The following PRDM1 variants were observed in gnomAD, a reference collection of about 807,000 sequenced individuals.
PRDM1 encodes PR/SET domain 1, also known as PR domain zinc finger protein 1.
PRDM1 carries 13 observed loss-of-function variants against 62.8 expected under a neutral mutation model. That is an observed-to-expected ratio of 0.21 (90% CI 0.13 to 0.33). The LOEUF is 0.33. Among genes scored for constraint, PRDM1 ranks in the 10% least tolerant of loss-of-function variants. PRDM1 has a pLI of 1.00. For missense variants in PRDM1, 895 were observed against 1,058.8 expected, an observed-to-expected ratio of 0.85 and a Z score of 2.15; for synonymous variants, 396 against 417.6, an observed-to-expected ratio of 0.95 and a Z score of 0.63.
chr6:106,026,174 A>G (rs1772763684), intron 1 of PRDM1, among the ~76,000 whole-genome samples: 1 of 152,128 alleles, frequency 6.6e-6, no homozygotes, highest in African/African-American at 2.4e-5. Context: ...CTATTTGTAT[A>G]TTTGATTTAA....
chr6:106,040,408 T>C (rs1412724494), intron 1 of PRDM1, among the ~76,000 whole-genome samples: 1 of 152,228 alleles, frequency 6.6e-6, no homozygotes, highest in African/African-American at 2.4e-5. Flanking sequence ...CACCTCCGTC[T>C]ATCTGCAGGC....
intron 2 of PRDM1, among the ~76,000 whole-genome samples, 183 bp downstream of exon 2, chr6:106,088,632 T>C (rs539495250): frequency 6.6e-6 from 1 of 152,242 alleles, no homozygotes; most frequent in Non-Finnish European, 1.5e-5. Flanking sequence ...TCTCATTTCT[T>C]CCAGCCTTCA....
At chr6:106,101,025 T>A (rs1774254142) in intron 4 of PRDM1, among the ~76,000 whole-genome samples, 1 of 152,118 alleles carries the variant, frequency 6.6e-6, no homozygotes, top group African/African-American at 2.4e-5. Flanking sequence ...GTGTATGCCA[T>A]GCCCAGTGCT....
chr6:106,105,752 C>T lies in PRDM1; in HGVS notation c.1592C>T (p.Pro531Leu), dbSNP rs1404554652. The change falls in exon 5 of 7, where the codon CCC (proline) becomes CTC (leucine). Residue 531 changes from proline (P) to leucine (L), a missense_variant. Pro to Leu is a moderately conservative substitution (Grantham distance 98, BLOSUM62 -3). This residue lies in a region of PRDM1 where 444 missense variants were observed against 422.7 expected (regional missense o/e 1.05). Transcript: ENST00000369096. ...TAATAEHVVQ[P>L]KATSAAMAAP... ...GCCACGGCAGAACATGTGGTGCAGC[C>T]CAAAGCTACCTCAGCAGCGATGGCA... is the stretch of plus-strand genomic sequence containing the variant. 1.2e-6 allele frequency: 2 copies of T among 1,614,142 alleles called. No individual in the cohort carries two copies. Among genetic ancestry groups the T allele is most frequent in the East Asian group, 4.5e-5 (2 of 44,894 alleles).
At chr6:106,104,735 A>G in intron 4 of PRDM1, 90 bp from the exon 5 acceptor site, 1 of 1,435,980 alleles carries the variant, frequency 7.0e-7, no homozygotes, top group Non-Finnish European at 9.4e-7. Flanking sequence ...GCTGTTACTC[A>G]GGTTTTCTCA....
At chr6:106,087,552 T>G (rs1340496356) in intron 1 of PRDM1, 2 of 232,610 alleles carry the variant, frequency 8.6e-6, no homozygotes, top group South Asian at 3.6e-4. Context: ...TAAGAGGCCG[T>G]AGCTCAGTGA....
exon 1 of PRDM1, among the ~76,000 whole-genome samples, chr6:105,993,529 G>A (rs759065033): frequency 6.6e-6 from 1 of 152,220 alleles, no homozygotes; most frequent in Admixed American, 6.5e-5. Context: ...GGCCAGCAGG[G>A]AAGGTGCCAC....
At chr6:106,082,144 T>C (rs1179464550), upstream of PRDM1, among the ~76,000 whole-genome samples, 1 of 152,244 alleles carries the variant, frequency 6.6e-6, no homozygotes, top group Non-Finnish European at 1.5e-5. Flanking sequence ...TTCCTATTGC[T>C]CTTTTTCTCC....
intron 1 of PRDM1, among the ~76,000 whole-genome samples, chr6:106,052,757 A>T (rs1773198920): frequency 6.6e-6 from 1 of 152,054 alleles, no homozygotes; most frequent in Non-Finnish European, 1.5e-5. Context: ...TGGATCACGA[A>T]GTCAGGAGAT....
intron 1 of PRDM1, among the ~76,000 whole-genome samples, chr6:106,072,468 T>A (rs1773533963): frequency 6.6e-6 from 1 of 152,230 alleles, no homozygotes; most frequent in African/African-American, 2.4e-5. Flanking sequence ...AGCACAACTC[T>A]TCTATTTTCT....
chr6:106,048,295 G>A (rs570225946), upstream of PRDM1, among the ~76,000 whole-genome samples: 2 of 152,024 alleles, frequency 1.3e-5, no homozygotes, highest in Non-Finnish European at 2.9e-5. Context: ...GCTGAGGTGA[G>A]AGGATTGCTG....
chr6:106,097,570 G>C (rs1582469676), intron 3 of PRDM1, among the ~76,000 whole-genome samples: 2 of 152,362 alleles, frequency 1.3e-5, no homozygotes, highest in East Asian at 1.9e-4. Flanking sequence ...TCTTGTAACT[G>C]TACTATGAAT....
chr6:106,106,755 C>T lies in PRDM1; in HGVS notation c.1903-156C>T, dbSNP rs879427202. On this transcript the variant is annotated intron_variant, in intron 6 of 6. Coordinates refer to ENST00000369096, the MANE Select transcript of PRDM1 (RefSeq NM_001198.4). The surrounding 1 kb of genome is among the most constrained non-coding windows in gnomAD (Gnocchi z 4.4). Reference sequence around the variant, plus strand: ...CGTGTGCTGTGTGCCCACATCCCCCCGTTTGCTTAATACCACACTGGAGGT... The same window carrying T: ...CGTGTGCTGTGTGCCCACATCCCCCTGTTTGCTTAATACCACACTGGAGGT... Among the ~76,000 whole-genome samples, 1 of 152,164 alleles carries T rather than the reference C, an allele frequency of 6.6e-6. No individual in the cohort carries two copies. Among genetic ancestry groups the T allele is most frequent in the Admixed American group, 6.5e-5 (1 of 15,282 alleles).
chr6:105,993,467 G>A (rs571823684), exon 1 of PRDM1, among the ~76,000 whole-genome samples: 1 of 152,122 alleles, frequency 6.6e-6, no homozygotes, highest in Non-Finnish European at 1.5e-5. Flanking sequence ...GTTTCTCCTC[G>A]GGAAAGCTTA....
intron 1 of PRDM1, among the ~76,000 whole-genome samples, chr6:106,059,390 T>C (rs1322449335): frequency 6.6e-6 from 1 of 152,178 alleles, no homozygotes. Context: ...AAGGTGGGAA[T>C]GTGCTTGTTT....
At chr6:106,070,808 G>A (rs925842688) in intron 1 of PRDM1, among the ~76,000 whole-genome samples, 2 of 152,080 alleles carry the variant, frequency 1.3e-5, no homozygotes, top group East Asian at 3.8e-4. Flanking sequence ...TTGTGCATTT[G>A]ACAAACATAT....
chr6:106,064,861 T>C (rs1413434201), intron 1 of PRDM1, among the ~76,000 whole-genome samples: 2 of 152,200 alleles, frequency 1.3e-5, no homozygotes, highest in Non-Finnish European at 2.9e-5. Context: ...GCCCAGCCAC[T>C]GAATTGCTTT....
At chr6:106,058,862 G>A (rs533842322) in intron 1 of PRDM1, among the ~76,000 whole-genome samples, 8 of 152,154 alleles carry the variant, frequency 5.3e-5, no homozygotes, top group East Asian at 1.9e-4. Flanking sequence ...GAGCCACTGC[G>A]CCTGGCCACC....
chr6:106,017,684 A>C (rs1174187513), intron 1 of PRDM1, among the ~76,000 whole-genome samples: 1 of 152,230 alleles, frequency 6.6e-6, no homozygotes, highest in Non-Finnish European at 1.5e-5. Flanking sequence ...CAAACTGAAC[A>C]ATCCCCATTT....
Sources: allele counts gnomAD v4.1 joint callset (sites outside exome capture counted in the v4.1 genomes callset), GRCh38; gene constraint gnomAD v4.1.1; regional missense constraint gnomAD v4.1.1; non-coding constraint Gnocchi (gnomAD v3.1); transcripts MANE v1.5; gene names NCBI Gene and HGNC (gene_info 2026-07-23, HGNC 2026-07-21).